MCU: variants seen among roughly 807,000 people sequenced by gnomAD.
The protein encoded by MCU is calcium uniporter protein, mitochondrial.
A neutral mutation model predicts 45.2 loss-of-function variants in MCU; 12 were observed. The observed-to-expected ratio is 0.27, with a 90% confidence interval of 0.17 to 0.43. MCU has a LOEUF of 0.43. Among genes scored for constraint, MCU ranks in the 20% least tolerant of loss-of-function variants. The pLI is 1.00. For synonymous variants in MCU, 160 were observed against 165.1 expected (o/e 0.97, Z 0.24); for missense variants, 324 against 436.7 (o/e 0.74, Z 2.30).
chr10:72,715,637 T>A (rs1267650033), intron 1 of MCU, among the ~76,000 whole-genome samples: 1 of 152,220 alleles, frequency 6.6e-6, no homozygotes, highest in East Asian at 1.9e-4. Context: ...GAAAGCCAAT[T>A]ACCTTGGCAT....
At chr10:72,752,747 C>T (rs184992442) in intron 1 of MCU, among the ~76,000 whole-genome samples, 23 of 152,270 alleles carry the variant, frequency 1.5e-4, no homozygotes, top group African/African-American at 5.3e-4. Flanking sequence ...GTGTGTGTTT[C>T]TTATAGCAGA....
chr10:72,770,320 T>C (rs1047846494), intron 1 of MCU, among the ~76,000 whole-genome samples: 3 of 152,140 alleles, frequency 2.0e-5, no homozygotes, highest in African/African-American at 7.2e-5. Context: ...ATGATTTTTT[T>C]CCACTATTTT....
intron 1 of MCU, among the ~76,000 whole-genome samples, chr10:72,809,173 G>C (rs1253394213): frequency 2.0e-5 from 3 of 152,182 alleles, no homozygotes; most frequent in Admixed American, 1.3e-4. Flanking sequence ...TTGAGTGCCA[G>C]GCACGTGCTC....
At chr10:72,864,582 A>G (rs570787392) in intron 4 of MCU, among the ~76,000 whole-genome samples, 2 of 152,332 alleles carry the variant, frequency 1.3e-5, no homozygotes, top group East Asian at 3.9e-4. Context: ...GTAAGAATAC[A>G]GTATATAATA....
At chr10:72,873,549 T>G (rs1295312725) in intron 6 of MCU, among the ~76,000 whole-genome samples, 1 of 152,190 alleles carries the variant, frequency 6.6e-6, no homozygotes, top group Non-Finnish European at 1.5e-5. Flanking sequence ...CTCCCAGTTC[T>G]GTAGGTTGTC....
rs192404292 is a variant in MCU at position 72,701,820 on chromosome 10, C to T, written c.150+9519C>T. ...TGCTGGGATTACAGGCGTGATCCAC[C>T]GTGCCCGGCCCCCACTGACTACATT... On this transcript the variant is annotated intron_variant, in intron 1 of 7. Transcript: ENST00000373053. Among the ~76,000 whole-genome samples the T allele has an allele frequency of 3.1e-3, 469 of 152,172 alleles. 2 individuals are homozygous for T. Among genetic ancestry groups the T allele is most frequent in the African/African-American group, 0.011 (436 of 41,518 alleles).
intron 1 of MCU, among the ~76,000 whole-genome samples, chr10:72,724,945 A>G (rs1466521406): frequency 6.6e-6 from 1 of 152,180 alleles, no homozygotes; most frequent in Non-Finnish European, 1.5e-5. Context: ...GGTTTTTAAT[A>G]ACTTTCACAC....
intron 2 of MCU, among the ~76,000 whole-genome samples, chr10:72,840,096 T>A (rs926941223): frequency 2.8e-4 from 43 of 152,322 alleles, no homozygotes; most frequent in Non-Finnish European, 4.4e-4. Flanking sequence ...ATATGCTTAA[T>A]TTTTTAAAAA....
Position 72,721,133 on chromosome 10 carries a change from A to G in MCU, c.150+28832A>G, listed in dbSNP as rs116267365. The G allele has an allele frequency of 4.6e-3, 707 of 154,410 alleles. 3 individuals are homozygous for G. The highest frequency in any genetic ancestry group is 0.016 in the African/African-American group (677 of 41,606). 9.6% of individuals were successfully genotyped at this position (154,410 alleles called of 1,614,324 possible). ...AATGTATCTCACCTAGATTATATTAACAGCTTTCTAATTAGTCTCCCTGCT... is the reference window on the plus strand; with the variant it reads ...AATGTATCTCACCTAGATTATATTAGCAGCTTTCTAATTAGTCTCCCTGCT... On this transcript the variant is annotated intron_variant, in intron 1 of 7. Transcript: ENST00000373053.
At chr10:72,844,516 C>G (rs1289478723) in intron 2 of MCU, among the ~76,000 whole-genome samples, 3 of 152,132 alleles carry the variant, frequency 2.0e-5, no homozygotes, top group Non-Finnish European at 2.9e-5. Flanking sequence ...CTGCAGTGAG[C>G]CCTGATCATG....
intron 1 of MCU, among the ~76,000 whole-genome samples, chr10:72,768,676 A>G (rs1843762670): frequency 6.6e-6 from 1 of 152,172 alleles, no homozygotes; most frequent in African/African-American, 2.4e-5. Context: ...CAGTTGTAAG[A>G]CACTGTTATT....
At chr10:72,825,855 A>C (rs1171744583) in intron 1 of MCU, among the ~76,000 whole-genome samples, 1 of 152,218 alleles carries the variant, frequency 6.6e-6, no homozygotes, top group East Asian at 1.9e-4. Flanking sequence ...TGTGTGTTGT[A>C]TAACCCGTGC....
intron 1 of MCU, among the ~76,000 whole-genome samples, chr10:72,789,071 G>A (rs1048291752): frequency 6.6e-6 from 1 of 152,078 alleles, no homozygotes; most frequent in Non-Finnish European, 1.5e-5. Flanking sequence ...GAATGATTGT[G>A]TCTACTCCTT....
chr10:72,836,349 A>G (rs1844956199), intron 2 of MCU, among the ~76,000 whole-genome samples: 1 of 152,166 alleles, frequency 6.6e-6, no homozygotes, highest in Non-Finnish European at 1.5e-5. Flanking sequence ...TTTAGTGGCA[A>G]TTAACTTGAA....
intron 1 of MCU, among the ~76,000 whole-genome samples, chr10:72,814,908 G>A (rs938858455): frequency 6.6e-6 from 1 of 152,090 alleles, no homozygotes; most frequent in Non-Finnish European, 1.5e-5. Context: ...AAAAACCAGT[G>A]GGAAAATCTT....
At chr10:72,822,202 G>A (rs1029340079) in intron 1 of MCU, among the ~76,000 whole-genome samples, 8 of 152,128 alleles carry the variant, frequency 5.3e-5, no homozygotes, top group South Asian at 2.1e-4. Context: ...AACCTGGGAG[G>A]TAGAGGTTAC....
intron 2 of MCU, among the ~76,000 whole-genome samples, chr10:72,856,043 C>T (rs773642512): frequency 2.8e-4 from 43 of 152,302 alleles, no homozygotes; most frequent in Non-Finnish European, 6.0e-4. Flanking sequence ...CATTGACACC[C>T]TTCTCAGCAA....
intron 6 of MCU, among the ~76,000 whole-genome samples, chr10:72,874,812 G>C (rs1845595115): frequency 6.6e-6 from 1 of 152,128 alleles, no homozygotes; most frequent in Admixed American, 6.5e-5. Context: ...GATCACCCTT[G>C]ATATATCTCT....
chr10:72,844,724 A>G (rs916091958), intron 2 of MCU, among the ~76,000 whole-genome samples: 1 of 152,218 alleles, frequency 6.6e-6, no homozygotes, highest in African/African-American at 2.4e-5. Context: ...AAAAGCATAT[A>G]GACTTTTGGA....
Sources: gnomAD v4.1 joint callset for allele counts (sites outside exome capture counted in the v4.1 genomes callset) on GRCh38, gnomAD v4.1.1 for gene constraint, MANE v1.5 for transcripts, NCBI Gene and HGNC (gene_info 2026-07-23, HGNC 2026-07-21) for gene names.